Variants in KCNIP4 observed in about 807,000 individuals in gnomAD.
The protein encoded by KCNIP4 is potassium voltage-gated channel interacting protein 4.
A neutral mutation model predicts 34.0 loss-of-function variants in KCNIP4; 12 were observed. The ratio of observed to expected loss-of-function variants is 0.35; its 90% CI spans 0.23 to 0.57. The LOEUF (loss-of-function observed/expected upper bound fraction) is 0.57. Among genes scored for constraint, KCNIP4 ranks in the 20% least tolerant of loss-of-function variants. The pLI is 0.83. For synonymous variants in KCNIP4, 124 were observed against 102.2 expected (o/e 1.21, Z -1.29); for missense variants, 238 against 311.7 (o/e 0.76, Z 1.78).
chr4:20,963,820 G>A (rs763096787), intron 1 of KCNIP4, among the ~76,000 whole-genome samples: 4 of 151,992 alleles, frequency 2.6e-5, no homozygotes, highest in East Asian at 1.9e-4. Context: ...TGGTGAGAGC[G>A]CTGGAGTAGA....
chr4:21,178,703 C>T (rs924889761), intron 1 of KCNIP4, among the ~76,000 whole-genome samples: 5 of 152,110 alleles, frequency 3.3e-5, no homozygotes, highest in East Asian at 1.9e-4. Flanking sequence ...CCTGTCCTGT[C>T]GTCAGCCATA....
chr4:21,749,032 C>T (rs983852665), intron 1 of KCNIP4, among the ~76,000 whole-genome samples: 1 of 152,082 alleles, frequency 6.6e-6, no homozygotes, highest in Non-Finnish European at 1.5e-5. Context: ...AAAGTAACAG[C>T]TTAGGTGTAC....
intron 1 of KCNIP4, among the ~76,000 whole-genome samples, chr4:21,352,521 C>T (rs1718115547): frequency 6.6e-6 from 1 of 152,254 alleles, no homozygotes; most frequent in Non-Finnish European, 1.5e-5. Context: ...GCCTTGCTCA[C>T]TGCTAGCGCA....
At chr4:21,505,675 G>T (rs141398948) in intron 1 of KCNIP4, among the ~76,000 whole-genome samples, 1,547 of 152,156 alleles carry the variant, frequency 0.01, 26 homozygotes, top group African/African-American at 0.036. Context: ...CACTCAAAAG[G>T]CAAATCATGC....
chr4:21,581,092 T>C (rs1183952369), intron 1 of KCNIP4, among the ~76,000 whole-genome samples: 1 of 152,048 alleles, frequency 6.6e-6, no homozygotes, highest in Non-Finnish European at 1.5e-5. Flanking sequence ...GCAAAGGAAA[T>C]AGTATCTATT....
At chr4:21,302,716 C>T (rs943420007) in intron 1 of KCNIP4, among the ~76,000 whole-genome samples, 2 of 151,964 alleles carry the variant, frequency 1.3e-5, no homozygotes, top group African/African-American at 2.4e-5. Context: ...CGCCCTGCAT[C>T]CCCCGCCCCA....
intron 1 of KCNIP4, among the ~76,000 whole-genome samples, chr4:21,226,011 A>G (rs1384760869): frequency 6.6e-6 from 1 of 151,920 alleles, no homozygotes; most frequent in Non-Finnish European, 1.5e-5. Context: ...CATTTATAGG[A>G]CATGGTGCTA....
intron 1 of KCNIP4, among the ~76,000 whole-genome samples, chr4:21,254,864 C>A (rs1459186928): frequency 1.3e-5 from 2 of 152,210 alleles, no homozygotes; most frequent in African/African-American, 2.4e-5. Flanking sequence ...AGGACCAGTT[C>A]CTGGTCTCTC....
At chr4:21,673,766 T>G (rs1290655492) in intron 1 of KCNIP4, among the ~76,000 whole-genome samples, 1 of 152,180 alleles carries the variant, frequency 6.6e-6, no homozygotes, top group Non-Finnish European at 1.5e-5. Context: ...TTATTCCAAG[T>G]AAACAGCCAA....
At chr4:20,872,215 A>C (rs1723546738) in intron 2 of KCNIP4, among the ~76,000 whole-genome samples, 1 of 152,166 alleles carries the variant, frequency 6.6e-6, no homozygotes, top group Non-Finnish European at 1.5e-5. Flanking sequence ...ACACTGTAAT[A>C]TGCTATGGGA....
At chr4:21,890,594 AC>A (rs2087609556) in intron 1 of KCNIP4, among the ~76,000 whole-genome samples, 2 of 152,142 alleles carry the variant, frequency 1.3e-5, no homozygotes, top group Admixed American at 6.6e-5. Context: ...AGATACTACC[AC>A]AAGGATGAGG....
At chr4:20,910,281 GTA>G (rs945189770) in intron 1 of KCNIP4, among the ~76,000 whole-genome samples, 2 of 150,780 alleles carry the variant, frequency 1.3e-5, no homozygotes, top group African/African-American at 2.5e-5. Context: ...TTGTGTGTCT[GTA>G]TGTGTGTGTG....
intron 1 of KCNIP4, among the ~76,000 whole-genome samples, chr4:21,086,712 G>A (rs2109032113): frequency 6.6e-6 from 1 of 152,128 alleles, no homozygotes; most frequent in Non-Finnish European, 1.5e-5. Flanking sequence ...TTCTATCTAT[G>A]CTATAGATCT....
At chr4:21,107,154 T>G (rs1209132809) in intron 1 of KCNIP4, among the ~76,000 whole-genome samples, 5 of 147,056 alleles carry the variant, frequency 3.4e-5, no homozygotes, top group Admixed American at 6.7e-5. Flanking sequence ...GGGTATCCTT[T>G]TTAACTTTCT....
intron 1 of KCNIP4, among the ~76,000 whole-genome samples, chr4:21,803,796 C>A (rs1157685755): frequency 6.6e-6 from 1 of 152,168 alleles, no homozygotes; most frequent in Non-Finnish European, 1.5e-5. Context: ...TGGCAATTTT[C>A]TACTAATTAG....
chr4:21,921,451 A>G (rs994160596), intron 1 of KCNIP4, among the ~76,000 whole-genome samples: 1 of 152,150 alleles, frequency 6.6e-6, no homozygotes, highest in Non-Finnish European at 1.5e-5. Flanking sequence ...TCTCTACTCT[A>G]AAATATATTA....
At chr4:20,810,557 G>C (rs6814183) in intron 3 of KCNIP4, among the ~76,000 whole-genome samples, 1 of 151,752 alleles carries the variant, frequency 6.6e-6, no homozygotes, top group Non-Finnish European at 1.5e-5. Context: ...TTCTGAATTT[G>C]CAACTAACAC....
At chr4:21,653,374 A>G (rs922184580) in intron 1 of KCNIP4, among the ~76,000 whole-genome samples, 1 of 152,232 alleles carries the variant, frequency 6.6e-6, no homozygotes, top group African/African-American at 2.4e-5. Flanking sequence ...TATTATCAGG[A>G]TGAAATAATT....
chr4:20,753,906 G>GTTCATTCATTCA lies in KCNIP4; in HGVS notation c.359-4186_359-4175dup, dbSNP rs3835144. On this transcript the variant is annotated intron_variant, in intron 4 of 8. Coordinates refer to ENST00000382152, the MANE Select transcript of KCNIP4 (RefSeq NM_025221.6). The stretch of plus-strand genomic sequence containing the variant: ...AGATTATTCTGACTTGAGCTCATTT[G>GTTCATTCATTCA]TTCATTCATTCATTCATTCATTCAT... Among the ~76,000 whole-genome samples, 418 of 151,302 alleles carry GTTCATTCATTCA rather than the reference G, an allele frequency of 2.8e-3. 2 individuals are homozygous for GTTCATTCATTCA. The highest frequency in any genetic ancestry group is 4.3e-3 in the East Asian group (22 of 5,126).
Sources: gnomAD v4.1 joint callset for allele counts (sites outside exome capture counted in the v4.1 genomes callset) on GRCh38, gnomAD v4.1.1 for gene constraint, MANE v1.5 for transcripts, NCBI Gene and HGNC (gene_info 2026-07-23, HGNC 2026-07-21) for gene names.